Variants in PLEKHJ1 observed in about 807,000 individuals in gnomAD.
PLEKHJ1 encodes pleckstrin homology domain-containing family J member 1.
Under a neutral mutation model 21.7 loss-of-function variants are expected in PLEKHJ1, and 20 were observed. The ratio of observed to expected loss-of-function variants is 0.92; its 90% CI spans 0.65 to 1.34. PLEKHJ1 has a LOEUF of 1.34. PLEKHJ1 is among the 40% of genes most tolerant of loss of function. The pLI is 0.00. For missense variants in PLEKHJ1, 241 were observed against 202.0 expected, an observed-to-expected ratio of 1.19 and a Z score of -1.17; for synonymous variants, 113 against 80.6, an observed-to-expected ratio of 1.40 and a Z score of -2.15.
downstream of PLEKHJ1, chr19:2,230,115 G>T: frequency 1.9e-6 from 1 of 534,620 alleles, no homozygotes; most frequent in East Asian, 3.2e-5. Context: ...AAAGACACGT[G>T]TCTGCAGGGC....
At chr19:2,230,405 G>C, downstream of PLEKHJ1, 1 of 402,600 alleles carries the variant, frequency 2.5e-6, no homozygotes, top group East Asian at 3.6e-5. Flanking sequence ...TGAACCCCCA[G>C]ACTGTTCACC....
Position 2,233,769 on chromosome 19 carries a change from C to T in PLEKHJ1, c.*71G>A. On this transcript the variant is annotated 3_prime_UTR_variant, in exon 6 of 6. Coordinates refer to ENST00000326631, the MANE Select transcript of PLEKHJ1 (RefSeq NM_018049.3). The stretch of plus-strand genomic sequence containing the variant: ...AAAACCAAAACAAAACAGATCCAGG[C>T]ATGGCCAAGCGATTCATGGCTGGGC... 7.0e-7 allele frequency: 1 copy of T among 1,420,772 alleles called. No homozygotes were observed. Among genetic ancestry groups the T allele is most frequent in the Non-Finnish European group, 9.6e-7 (1 of 1,041,850 alleles). The allele number at this position is 1,420,772 out of a possible 1,614,324, so 88.0% of individuals were successfully genotyped here.
chr19:2,234,343 T>G, intron 3 of PLEKHJ1, 103 bp from the exon 4 acceptor site: 1 of 824,354 alleles, frequency 1.2e-6, no homozygotes, highest in Non-Finnish European at 2.0e-6. Context: ...CAAAGATGTG[T>G]TCATGTCCTG....
downstream of PLEKHJ1, chr19:2,232,263 GACTT>G (rs1161189697): frequency 4.6e-6 from 1 of 218,204 alleles, no homozygotes; most frequent in African/African-American, 2.3e-5. Flanking sequence ...CACGCACAGT[GACTT>G]ATTTAAGACT....
chr19:2,234,005 G>T lies in PLEKHJ1; in HGVS notation c.377C>A (p.Thr126Lys), dbSNP rs146362675. The T allele has an allele frequency of 1.2e-6, 2 of 1,613,016 alleles. No homozygotes were observed. Among genetic ancestry groups the T allele is most frequent in the Non-Finnish European group, 1.7e-6 (2 of 1,179,912 alleles). ...IFYRNEIRKV[T>K]GKDPLEQFGI... ...CTGCAGCCCTGCACACACCTTGCCC[G>T]TCACCTTCCGGATTTCGTTCCTGTA... The change falls in exon 5 of 6, where the codon ACG (threonine) becomes AAG (lysine). Residue 126 changes from threonine to lysine, a missense_variant. Transcript: ENST00000326631.
chr19:2,230,428 G>C, downstream of PLEKHJ1: 1 of 400,146 alleles, frequency 2.5e-6, no homozygotes, highest in Non-Finnish European at 4.4e-6. Context: ...CCGGGGCGTG[G>C]GTTGCGCCCT....
Position 2,235,937 on chromosome 19 carries a change from T to A in PLEKHJ1, c.148A>T (p.Thr50Ser). The A allele has an allele frequency of 6.2e-7, 1 of 1,610,186 alleles. No homozygotes were observed. The highest frequency in any genetic ancestry group is 8.5e-7 in the Non-Finnish European group (1 of 1,178,928). ...GACGCCCCTACCTCGGCCTCGTCTGTCCGAAAGTAGAAGAGGAAATTCACC... is the reference window on the plus strand; with the variant it reads ...GACGCCCCTACCTCGGCCTCGTCTGACCGAAAGTAGAAGAGGAAATTCACC... ...LVVNFLFYFRTDEAEPVGALL... is the reference protein window; with the variant it reads ...LVVNFLFYFRSDEAEPVGALL... The change falls in exon 2 of 6, where the codon ACA (threonine) becomes TCA (serine). Residue 50 changes from threonine to serine, a missense_variant. By Grantham distance (58) the Thr-to-Ser change is moderately conservative (BLOSUM62 1). Coordinates refer to ENST00000326631, the MANE Select transcript of PLEKHJ1 (RefSeq NM_018049.3).
intron 1 of PLEKHJ1, 63 bp from the exon 2 acceptor site, chr19:2,236,053 C>T: frequency 6.8e-7 from 1 of 1,477,434 alleles, no homozygotes; most frequent in Admixed American, 2.6e-5. Context: ...GCCTCCCGTC[C>T]CCGGCGCCCC....
At chr19:2,234,361 A>G (rs2024721742) in intron 3 of PLEKHJ1, 121 bp from the exon 4 acceptor site, 2 of 684,824 alleles carry the variant, frequency 2.9e-6, no homozygotes, top group Admixed American at 2.4e-5. Context: ...CTGACCCCCC[A>G]GAACCCATGA....
chr19:2,230,756 C>T (rs2024565298), downstream of PLEKHJ1: 2 of 397,000 alleles, frequency 5.0e-6, no homozygotes, highest in Admixed American at 4.4e-5. Context: ...GGGAAAAAAC[C>T]TTATTTATTC....
chr19:2,231,361 G>A (rs1280255636), downstream of PLEKHJ1: 4 of 208,630 alleles, frequency 1.9e-5, no homozygotes, highest in South Asian at 1.9e-4. Context: ...ATGGACACAC[G>A]TCACATCCCT....
downstream of PLEKHJ1, chr19:2,232,069 G>A (rs1485837780): frequency 1.9e-5 from 4 of 213,950 alleles, no homozygotes; most frequent in South Asian, 1.8e-4. Context: ...GTGGCAGGGT[G>A]GCTGTGGAGA....
downstream of PLEKHJ1, chr19:2,230,506 C>T (rs1318134453): frequency 1.8e-5 from 7 of 398,682 alleles, no homozygotes; most frequent in African/African-American, 8.2e-5. Context: ...GTGAGGACGG[C>T]GCGGGCACGT....
At chr19:2,232,667 A>G (rs1433398598), downstream of PLEKHJ1, 1 of 180,236 alleles carries the variant, frequency 5.5e-6, no homozygotes, top group African/African-American at 2.4e-5. Context: ...TCATCGCCGA[A>G]ACGGGGAGTG....
chr19:2,230,299 T>G (rs2024543269), downstream of PLEKHJ1: 1 of 416,224 alleles, frequency 2.4e-6, no homozygotes, highest in Non-Finnish European at 4.2e-6. Context: ...GGCAGGCCCG[T>G]CGCCACCACA....
chr19:2,230,549 C>G, downstream of PLEKHJ1: 1 of 398,744 alleles, frequency 2.5e-6, no homozygotes, highest in Non-Finnish European at 4.4e-6. Flanking sequence ...TATTTCTCGG[C>G]TGTCCATGGC....
chr19:2,230,152 C>T (rs970925493), downstream of PLEKHJ1: 8 of 512,200 alleles, frequency 1.6e-5, no homozygotes, highest in Non-Finnish European at 2.7e-5. Flanking sequence ...TCGCCACAGC[C>T]TGCCCCGGTG....
At chr19:2,230,807 A>C (rs542671658), downstream of PLEKHJ1, 1 of 380,522 alleles carries the variant, frequency 2.6e-6, no homozygotes, top group African/African-American at 2.1e-5. Context: ...CCCCGACCCT[A>C]GACCCCTCAG....
chr19:2,236,068 C>T (rs891445949), intron 1 of PLEKHJ1, 78 bp from the exon 2 acceptor site: 3 of 1,434,812 alleles, frequency 2.1e-6, no homozygotes, highest in East Asian at 5.8e-5. Flanking sequence ...CGCCCCGACC[C>T]GGACTCCGGC....
Sources: gnomAD v4.1 joint callset for allele counts on GRCh38, gnomAD v4.1.1 for gene constraint, MANE v1.5 for transcripts, NCBI Gene and HGNC (gene_info 2026-07-23, HGNC 2026-07-21) for gene names.